The following ADGRL4 variants were observed in gnomAD, a reference collection of about 807,000 sequenced individuals.
The protein encoded by ADGRL4 is adhesion G protein-coupled receptor L4.
ADGRL4 carries 90 observed loss-of-function variants against 74.8 expected under a neutral mutation model. The ratio of observed to expected loss-of-function variants is 1.20; its 90% CI spans 1.02 to 1.43. The LOEUF (loss-of-function observed/expected upper bound fraction) is 1.43, where lower values mean the gene tolerates loss of function less well. Ranked by LOEUF, ADGRL4 falls within the 40% of genes most tolerant of loss-of-function variation. The probability of loss-of-function intolerance (pLI) is 0.00; values close to 1 mark genes in which losing one functional copy is unlikely to be tolerated. For missense variants in ADGRL4, 881 were observed against 814.3 expected, an observed-to-expected ratio of 1.08 and a Z score of -1.00; for synonymous variants, 311 against 279.2, an observed-to-expected ratio of 1.11 and a Z score of -1.14.
rs987770153 is a variant in ADGRL4, at chr1:78,989,476, GT to G, written c.172+15593del. ...TAATAATTAAATAAATTTTTATTTT[GT>G]TTTTTTTCCTTTGGACACAGTGAGC... On this transcript the variant is annotated intron_variant, in intron 2 of 14. Transcript: ENST00000370742. Among the ~76,000 whole-genome samples the G allele has an allele frequency of 7.1e-5, 9 of 126,670 alleles. No individual in the cohort carries two copies. In the South Asian group the frequency reaches 2.2e-3, roughly 31 times the overall value. The allele number at this position is 126,670 out of a possible 152,430, so 83.1% of individuals were successfully genotyped here. A position where few individuals can be genotyped will look rare whatever the true frequency, so the allele number is the denominator to read the frequency against.
At chr1:78,993,593 G>A (rs961130335) in intron 2 of ADGRL4, among the ~76,000 whole-genome samples, 3 of 149,756 alleles carry the variant, frequency 2.0e-5, no homozygotes, top group Non-Finnish European at 4.4e-5. Context: ...TTTTGAGATG[G>A]AGTCTCGCTC....
chr1:78,954,423 ACT>A (rs1388602851), intron 2 of ADGRL4, among the ~76,000 whole-genome samples: 10 of 152,234 alleles, frequency 6.6e-5, no homozygotes, highest in Non-Finnish European at 1.3e-4. Flanking sequence ...AAAAAACAAA[ACT>A]CTGAGTAAAA....
chr1:78,896,164 T>C (rs1557489272), intron 12 of ADGRL4, among the ~76,000 whole-genome samples: 1 of 151,980 alleles, frequency 6.6e-6, no homozygotes, highest in Non-Finnish European at 1.5e-5. Context: ...CAATTGTTTA[T>C]AGGAATATCA....
At chr1:78,914,795 G>C (rs1648836526) in intron 12 of ADGRL4, among the ~76,000 whole-genome samples, 1 of 151,764 alleles carries the variant, frequency 6.6e-6, no homozygotes, top group African/African-American at 2.4e-5. Context: ...CTGAGATACT[G>C]GTCTTCTACT....
chr1:78,905,673 T>G (rs966239518), intron 12 of ADGRL4, among the ~76,000 whole-genome samples: 5 of 151,970 alleles, frequency 3.3e-5, no homozygotes, highest in Non-Finnish European at 7.4e-5. Context: ...ACAAAGACTA[T>G]TTTCTATTTT....
At chr1:78,968,041 G>A (rs995396046) in intron 2 of ADGRL4, among the ~76,000 whole-genome samples, 1 of 152,112 alleles carries the variant, frequency 6.6e-6, no homozygotes, top group Non-Finnish European at 1.5e-5. Context: ...TTAGGTACAT[G>A]AGATTGCCAA....
At chr1:78,946,681 T>C (rs1008519936) in intron 2 of ADGRL4, among the ~76,000 whole-genome samples, 4 of 152,198 alleles carry the variant, frequency 2.6e-5, no homozygotes, top group African/African-American at 9.6e-5. Context: ...TAAATCTATA[T>C]GGCAATATCT....
chr1:78,986,139 T>A (rs1009985118), intron 2 of ADGRL4, among the ~76,000 whole-genome samples: 1 of 151,734 alleles, frequency 6.6e-6, no homozygotes, highest in Non-Finnish European at 1.5e-5. Context: ...TTTACGTATA[T>A]AACAAACCTG....
intron 2 of ADGRL4, among the ~76,000 whole-genome samples, chr1:78,983,341 T>C (rs893650169): frequency 2.4e-4 from 36 of 151,764 alleles, no homozygotes; most frequent in Admixed American, 1.3e-3. Context: ...AAGGTAGCTA[T>C]GTTGAAAACA....
intron 2 of ADGRL4, among the ~76,000 whole-genome samples, chr1:78,952,909 GA>G (rs140369601): frequency 6.3e-4 from 95 of 151,500 alleles, no homozygotes; most frequent in African/African-American, 2.1e-3. Context: ...TATAAGCCAG[GA>G]AAAAAAACAA....
At chr1:78,914,025 T>C (rs1557495276) in intron 12 of ADGRL4, among the ~76,000 whole-genome samples, 3 of 151,848 alleles carry the variant, frequency 2.0e-5, no homozygotes, top group Admixed American at 2.0e-4. Context: ...GATTCTTCAG[T>C]TGATGTCTGG....
At chr1:78,984,925 G>T (rs1172045760) in intron 2 of ADGRL4, among the ~76,000 whole-genome samples, 1 of 151,620 alleles carries the variant, frequency 6.6e-6, no homozygotes, top group African/African-American at 2.4e-5. Flanking sequence ...GAAAAAGAGG[G>T]AGGAAGACGT....
rs576857250 is a variant in ADGRL4 at position 78,902,304 on chromosome 1, G to C, written c.1750-9115C>G. The stretch of plus-strand genomic sequence containing the variant: ...AGTGCTGATATTGAGTGCTTTCTAT[G>C]TGCCAGATATTGTTCCAAGTCTATT... On this transcript the variant is annotated intron_variant, in intron 12 of 14. Transcript: ENST00000370742. Among the ~76,000 whole-genome samples the C allele has an allele frequency of 1.1e-4, 17 of 152,238 alleles. No individual in the cohort carries two copies. The South Asian group carries it at 3.1e-3, about 28-fold the overall frequency.
intron 2 of ADGRL4, among the ~76,000 whole-genome samples, chr1:78,974,735 T>C (rs58061451): frequency 0.015 from 2,273 of 152,218 alleles, 59 homozygotes; most frequent in African/African-American, 0.052. Context: ...GGCCTTCCAC[T>C]TTCAAAGCCA....
At position 78,989,474 on chromosome 1, in the gene ADGRL4, TTG is replaced by T. The variant is rs201718013; in HGVS notation, c.172+15594_172+15595del. Among the ~76,000 whole-genome samples the T allele has an allele frequency of 2.5e-3, 368 of 149,842 alleles. 8 individuals carry two copies. The East Asian group carries it at 0.054, about 22-fold the overall frequency. ...TTTAATAATTAAATAAATTTTTATTTTGTTTTTTTTCCTTTGGACACAGTGAG... is the reference window on the plus strand; with the variant it reads ...TTTAATAATTAAATAAATTTTTATTTTTTTTTTTCCTTTGGACACAGTGAG... On this transcript the variant is annotated intron_variant, in intron 2 of 14. Transcript: ENST00000370742.
intron 3 of ADGRL4, among the ~76,000 whole-genome samples, chr1:78,940,957 G>A (rs551490092): frequency 5.3e-4 from 81 of 152,226 alleles, no homozygotes; most frequent in African/African-American, 1.8e-3. Flanking sequence ...AGATTTAAGA[G>A]GTCAGCTAAT....
At chr1:78,954,102 T>C (rs11808232) in intron 2 of ADGRL4, among the ~76,000 whole-genome samples, 2,183 of 152,168 alleles carry the variant, frequency 0.014, 53 homozygotes, top group African/African-American at 0.05. Context: ...GCCAAGGTCA[T>C]GCCATTGCAC....
intron 3 of ADGRL4, among the ~76,000 whole-genome samples, chr1:78,939,989 T>C (rs946929049): frequency 2.0e-5 from 3 of 152,126 alleles, no homozygotes; most frequent in African/African-American, 7.2e-5. Flanking sequence ...CCAATCAATT[T>C]TGACAGAGTA....
rs1305503763 is a variant in ADGRL4, at chr1:78,891,559, A to G, written c.1975T>C (p.Phe659Leu). 6.2e-7 allele frequency: 1 copy of G among 1,613,370 alleles called. No homozygotes were observed. The highest frequency in any genetic ancestry group is 8.5e-7 in the Non-Finnish European group (1 of 1,179,720). Residue 659 changes from phenylalanine (F) to leucine (L), a missense_variant, in exon 14 of 15, where the codon TTC becomes CTC. By Grantham distance (22) the Phe-to-Leu change is conservative. Coordinates refer to ENST00000370742, the MANE Select transcript of ADGRL4 (RefSeq NM_022159.4). ...AAAACACACAGGAATAAAAAAATGA[A>G]CATCCCCTGGAAAGCATTGCTGACT... is the stretch of plus-strand genomic sequence containing the variant. ...FTVSNAFQGM[F>L]IFLFLCVLSR... is the part of the protein sequence containing the mutation.
Sources: gnomAD v4.1 joint callset for allele counts (sites outside exome capture counted in the v4.1 genomes callset) on GRCh38, gnomAD v4.1.1 for gene constraint, MANE v1.5 for transcripts, NCBI Gene and HGNC (gene_info 2026-07-23, HGNC 2026-07-21) for gene names.